SHROOM2: variants seen among roughly 807,000 people sequenced by gnomAD.
The protein encoded by SHROOM2 is shroom family member 2.
SHROOM2 carries 33 observed loss-of-function variants against 75.9 expected under a neutral mutation model. The ratio of observed to expected loss-of-function variants is 0.43; its 90% CI spans 0.33 to 0.58. The LOEUF (loss-of-function observed/expected upper bound fraction) is 0.58. Ranked by LOEUF, SHROOM2 falls within the 20% of genes least tolerant of loss-of-function variation. SHROOM2 has a pLI of 0.04. For synonymous variants in SHROOM2, 655 were observed against 663.6 expected, an observed-to-expected ratio of 0.99 and a Z score of 0.20; for missense variants, 1,434 against 1,461.2, an observed-to-expected ratio of 0.98 and a Z score of 0.30.
intron 5 of SHROOM2, among the ~76,000 whole-genome samples, chrX:9,926,607 T>A (rs1396079606): frequency 3.6e-5 from 4 of 111,760 alleles, no homozygotes; most frequent in Non-Finnish European, 7.5e-5. Flanking sequence ...AAATTATTGC[T>A]TGTTGGCAGC....
chrX:9,820,272 A>T (rs1377818147), intron 1 of SHROOM2, among the ~76,000 whole-genome samples: 1 of 108,258 alleles, frequency 9.2e-6, no homozygotes, highest in African/African-American at 3.4e-5. Context: ...GGCTTCTGTA[A>T]CTGGGTCTTC....
At chrX:9,883,150 G>T (rs979386890) in intron 2 of SHROOM2, among the ~76,000 whole-genome samples, 2 of 112,518 alleles carry the variant, frequency 1.8e-5, no homozygotes, top group Non-Finnish European at 3.8e-5. Flanking sequence ...TTTAGGTCCC[G>T]TCTTCCAGGA....
chrX:9,793,293 C>G (rs2083677361), intron 1 of SHROOM2, among the ~76,000 whole-genome samples: 1 of 108,931 alleles, frequency 9.2e-6, no homozygotes. Context: ...AGCCTTTTTT[C>G]CACTCTTTTT....
intron 2 of SHROOM2, among the ~76,000 whole-genome samples, chrX:9,878,582 C>G (rs749980869): frequency 4.2e-4 from 47 of 112,273 alleles, no homozygotes; most frequent in Non-Finnish European, 6.2e-4. Flanking sequence ...GTGCTGTGCC[C>G]CCCTCTGCTG....
chrX:9,907,047 G>A (rs906600917), intron 5 of SHROOM2, among the ~76,000 whole-genome samples: 1 of 110,811 alleles, frequency 9.0e-6, no homozygotes, highest in African/African-American at 3.3e-5. Flanking sequence ...GTTGGGGCAG[G>A]GGGGAGGCGG....
chrX:9,815,596 C>CTATATT (rs1288615912), intron 1 of SHROOM2, among the ~76,000 whole-genome samples: 1 of 107,300 alleles, frequency 9.3e-6, no homozygotes, highest in Admixed American at 1.1e-4. Flanking sequence ...ATATCTATAT[C>CTATATT]TATATCTATA....
chrX:9,906,912 C>A (rs1380799737), intron 5 of SHROOM2, among the ~76,000 whole-genome samples: 1 of 112,431 alleles, frequency 8.9e-6, no homozygotes, highest in African/African-American at 3.2e-5. Flanking sequence ...ACATAGTGTC[C>A]CTGCTGCGAC....
intron 1 of SHROOM2, among the ~76,000 whole-genome samples, chrX:9,868,612 C>T (rs746320592): frequency 2.7e-5 from 3 of 109,471 alleles, no homozygotes; most frequent in East Asian, 2.9e-4. Flanking sequence ...GGCATGATAA[C>T]GGCTCACTGC....
At chrX:9,940,689 T>TCGC (rs1331960778) in intron 8 of SHROOM2, among the ~76,000 whole-genome samples, 1 of 112,610 alleles carries the variant, frequency 8.9e-6, no homozygotes, top group African/African-American at 3.2e-5. Context: ...GCTTATGATG[T>TCGC]CGCACATTCC....
chrX:9,833,583 CAATG>C (rs925596485), intron 1 of SHROOM2, among the ~76,000 whole-genome samples: 7 of 103,870 alleles, frequency 6.7e-5, no homozygotes, highest in South Asian at 4.4e-4. Context: ...ACTCCACTGA[CAATG>C]AAGAGACACA....
At chrX:9,848,243 G>A (rs1410791268) in intron 1 of SHROOM2, among the ~76,000 whole-genome samples, 2 of 110,296 alleles carry the variant, frequency 1.8e-5, no homozygotes, top group Non-Finnish European at 3.8e-5. Context: ...GGTGGCTCAC[G>A]CCTGTAATCC....
intron 1 of SHROOM2, among the ~76,000 whole-genome samples, chrX:9,804,911 A>C (rs2083743194): frequency 9.0e-6 from 1 of 110,838 alleles, no homozygotes; most frequent in Non-Finnish European, 1.9e-5. Flanking sequence ...CGTGTCACCA[A>C]GTCACATGGC....
intron 1 of SHROOM2, among the ~76,000 whole-genome samples, chrX:9,831,527 G>A (rs1289904125): frequency 8.9e-6 from 1 of 111,884 alleles, no homozygotes; most frequent in East Asian, 2.8e-4. Context: ...GTGTGGTGGC[G>A]CATGCCTGTA....
At chrX:9,867,199 C>T (rs5979195) in intron 1 of SHROOM2, among the ~76,000 whole-genome samples, 24,471 of 110,765 alleles carry the variant, frequency 0.22, 2,496 homozygotes, top group African/African-American at 0.39. Flanking sequence ...ATGAGGCATT[C>T]TGCACGTTAG....
chrX:9,872,637 A>T (rs1464270468), intron 1 of SHROOM2, among the ~76,000 whole-genome samples: 2 of 112,071 alleles, frequency 1.8e-5, no homozygotes, highest in African/African-American at 6.5e-5. Flanking sequence ...GTCAATACAC[A>T]TTGGGAGGAT....
chrX:9,863,185 C>T (rs748116310), intron 1 of SHROOM2, among the ~76,000 whole-genome samples: 8 of 111,496 alleles, frequency 7.2e-5, no homozygotes, highest in Non-Finnish European at 1.3e-4. Flanking sequence ...CACCCCTGCC[C>T]GTTTCTCCCA....
chrX:9,919,432 A>G (rs764898401), intron 5 of SHROOM2, among the ~76,000 whole-genome samples: 1 of 98,325 alleles, frequency 1.0e-5, no homozygotes, highest in Non-Finnish European at 2.0e-5. Flanking sequence ...CCTGGGTTCA[A>G]GTGATTCTCC....
chrX:9,819,638 A>G (rs753316194), intron 1 of SHROOM2, among the ~76,000 whole-genome samples: 33 of 111,325 alleles, frequency 3.0e-4, no homozygotes, highest in African/African-American at 7.8e-4. Flanking sequence ...CTTGTATGCT[A>G]TGTTTCCCCA....
chrX:9,923,720 G>GACAT (rs1262992610), intron 5 of SHROOM2, among the ~76,000 whole-genome samples: 1 of 110,523 alleles, frequency 9.0e-6, no homozygotes, highest in East Asian at 2.8e-4. Flanking sequence ...GTGTGCTGAA[G>GACAT]ACATACTCAG....
Sources: gnomAD v4.1 joint callset for allele counts (sites outside exome capture counted in the v4.1 genomes callset) on GRCh38, gnomAD v4.1.1 for gene constraint, MANE v1.5 for transcripts, NCBI Gene and HGNC (gene_info 2026-07-23, HGNC 2026-07-21) for gene names.